The following CCNY variants were observed in gnomAD, a reference collection of about 807,000 sequenced individuals.
CCNY encodes the protein cyclin Y.
CCNY carries 19 observed loss-of-function variants against 42.8 expected under a neutral mutation model. That is an observed-to-expected ratio of 0.44 (90% CI 0.31 to 0.65). The LOEUF (loss-of-function observed/expected upper bound fraction) is 0.65. CCNY is among the 30% of genes least tolerant of loss of function. The probability of loss-of-function intolerance (pLI) is 0.07; values close to 1 mark genes in which losing one functional copy is unlikely to be tolerated. For missense variants in CCNY, 370 were observed against 437.3 expected, an observed-to-expected ratio of 0.85 and a Z score of 1.37; for synonymous variants, 165 against 162.7, an observed-to-expected ratio of 1.01 and a Z score of -0.11.
At chr10:35,329,560 A>G (rs1835917617) in intron 3 of CCNY, among the ~76,000 whole-genome samples, 1 of 152,198 alleles carries the variant, frequency 6.6e-6, no homozygotes, top group African/African-American at 2.4e-5. Context: ...CTGGCATGGA[A>G]AATATTTATT....
At chr10:35,437,128 G>C (rs560281642) in intron 1 of CCNY, among the ~76,000 whole-genome samples, 61 of 152,302 alleles carry the variant, frequency 4.0e-4, no homozygotes, top group African/African-American at 1.4e-3. Flanking sequence ...CCACGATTCA[G>C]TTATCTCCAC....
chr10:35,435,628 G>C (rs1369979097), intron 1 of CCNY, among the ~76,000 whole-genome samples: 1 of 152,190 alleles, frequency 6.6e-6, no homozygotes, highest in Non-Finnish European at 1.5e-5. Flanking sequence ...TGCCGTTACA[G>C]CTCTGTGTTC....
At chr10:35,342,672 C>A (rs747385172) in intron 1 of CCNY, among the ~76,000 whole-genome samples, 1 of 152,212 alleles carries the variant, frequency 6.6e-6, no homozygotes, top group African/African-American at 2.4e-5. Context: ...TTTCGGCCAA[C>A]AACCGTGCTA....
intron 1 of CCNY, among the ~76,000 whole-genome samples, chr10:35,385,750 C>G (rs1837288392): frequency 6.6e-6 from 1 of 152,324 alleles, no homozygotes; most frequent in South Asian, 2.1e-4. Context: ...TCAGAACCGT[C>G]CAGTCTTGGG....
At chr10:35,266,489 C>T (rs2095725672) in intron 3 of CCNY, among the ~76,000 whole-genome samples, 2 of 151,944 alleles carry the variant, frequency 1.3e-5, no homozygotes, top group Admixed American at 1.3e-4. Flanking sequence ...AAAACATTCT[C>T]TCTCTCACGC....
At chr10:35,404,935 G>A (rs1177253155) in intron 1 of CCNY, among the ~76,000 whole-genome samples, 7 of 152,140 alleles carry the variant, frequency 4.6e-5, no homozygotes, top group South Asian at 2.1e-4. Flanking sequence ...AAGTGAAAGC[G>A]AAGAGAGGCT....
intron 2 of CCNY, among the ~76,000 whole-genome samples, chr10:35,500,377 G>GT (rs2135389618): frequency 6.6e-6 from 1 of 152,308 alleles, no homozygotes; most frequent in South Asian, 2.1e-4. Context: ...AAAGAGAAGT[G>GT]TTTTTTTGTG....
chr10:35,432,788 C>T (rs545468807), intron 1 of CCNY, among the ~76,000 whole-genome samples: 1 of 152,246 alleles, frequency 6.6e-6, no homozygotes, highest in South Asian at 2.1e-4. Context: ...TCTGTTCTCC[C>T]TAGGAAAAAT....
At chr10:35,268,716 T>C (rs2095728118) in intron 3 of CCNY, among the ~76,000 whole-genome samples, 2 of 152,228 alleles carry the variant, frequency 1.3e-5, no homozygotes, top group African/African-American at 4.8e-5. Context: ...CCTTGCATTC[T>C]GCTTGCCTAC....
chr10:35,305,363 T>C (rs1835594376), intron 3 of CCNY, among the ~76,000 whole-genome samples: 1 of 152,180 alleles, frequency 6.6e-6, no homozygotes, highest in Non-Finnish European at 1.5e-5. Flanking sequence ...TTCCTTCAAG[T>C]CTAGAGGATG....
chr10:35,339,350 G>A (rs539053555), intron 1 of CCNY, among the ~76,000 whole-genome samples: 2 of 152,072 alleles, frequency 1.3e-5, no homozygotes, highest in Non-Finnish European at 2.9e-5. Flanking sequence ...GTTACCTGCC[G>A]TTCAGGGACA....
chr10:35,428,345 T>C (rs900829345), intron 1 of CCNY, among the ~76,000 whole-genome samples: 2 of 151,870 alleles, frequency 1.3e-5, no homozygotes, highest in African/African-American at 4.8e-5. Flanking sequence ...TGAAGGGTGG[T>C]TGGGTGTATA....
intron 1 of CCNY, among the ~76,000 whole-genome samples, chr10:35,476,922 C>T (rs1338945403): frequency 1.3e-5 from 2 of 152,018 alleles, no homozygotes; most frequent in African/African-American, 4.8e-5. Flanking sequence ...AGAGAAGAAT[C>T]AAATAGATGC....
chr10:35,321,814 T>C (rs1288776477), intron 3 of CCNY, among the ~76,000 whole-genome samples: 1 of 152,180 alleles, frequency 6.6e-6, no homozygotes, highest in East Asian at 1.9e-4. Context: ...ATTTCAAGAC[T>C]GACTATAAAG....
At chr10:35,344,378 A>T (rs191229552) in intron 1 of CCNY, among the ~76,000 whole-genome samples, 44 of 151,166 alleles carry the variant, frequency 2.9e-4, no homozygotes, top group African/African-American at 1.0e-3. Context: ...CTTCTGCTTA[A>T]AAAAAGTGCT....
chr10:35,325,339 T>C (rs1378088725), intron 3 of CCNY, among the ~76,000 whole-genome samples: 2 of 151,190 alleles, frequency 1.3e-5, no homozygotes, highest in African/African-American at 4.9e-5. Flanking sequence ...CCATCACACC[T>C]GGCTAATTTT....
intron 1 of CCNY, among the ~76,000 whole-genome samples, chr10:35,454,630 G>T (rs1052286079): frequency 6.6e-6 from 1 of 152,240 alleles, no homozygotes; most frequent in Non-Finnish European, 1.5e-5. Flanking sequence ...CAGCGGCTTC[G>T]CCTGCCCTTT....
chr10:35,488,438 G>C (rs1282954103), intron 2 of CCNY, among the ~76,000 whole-genome samples: 1 of 152,124 alleles, frequency 6.6e-6, no homozygotes, highest in Non-Finnish European at 1.5e-5. Context: ...TGGCCTTGCT[G>C]TCCTCACCTC....
intron 7 of CCNY, among the ~76,000 whole-genome samples, chr10:35,531,758 G>A (rs1840775209): frequency 2.0e-5 from 3 of 152,186 alleles, no homozygotes; most frequent in Admixed American, 1.3e-4. Context: ...TAATTCCTAA[G>A]AAAAATATGG....
Sources: gnomAD v4.1 joint callset for allele counts (sites outside exome capture counted in the v4.1 genomes callset) on GRCh38, gnomAD v4.1.1 for gene constraint, MANE v1.5 for transcripts, NCBI Gene and HGNC (gene_info 2026-07-23, HGNC 2026-07-21) for gene names.